Variants in DMD observed in about 807,000 individuals in gnomAD.
DMD encodes the protein mutant dystrophin.
A neutral mutation model predicts 330.1 loss-of-function variants in DMD; 63 were observed. The observed-to-expected ratio is 0.19, with a 90% CI of 0.16 to 0.24. The LOEUF (loss-of-function observed/expected upper bound fraction) is 0.24, where lower values mean the gene tolerates loss of function less well. Among genes scored for constraint, DMD ranks in the 10% least tolerant of loss-of-function variants. The pLI, the probability that DMD is intolerant of heterozygous loss-of-function variation, is 1.00. For missense variants in DMD, 3,344 were observed against 2,684.1 expected (o/e 1.25, Z -5.43); for synonymous variants, 1,223 against 959.8 (o/e 1.27, Z -5.07).
intron 2 of DMD, among the ~76,000 whole-genome samples, chrX:32,899,673 CAAAA>C (rs755390925): frequency 2.3e-5 from 1 of 42,690 alleles, no homozygotes. Context: ...GACTCCGTCT[CAAAA>C]AAAAAAAAAA....
intron 24 of DMD, 27 bp from the exon 25 acceptor site, chrX:32,463,621 G>A (rs2148420177): frequency 9.1e-7 from 1 of 1,094,368 alleles, no homozygotes. Context: ...ATTTAAGCCA[G>A]CTGAAAAAAA....
intron 4 of DMD, among the ~76,000 whole-genome samples, chrX:32,835,943 G>A (rs1181136176): frequency 9.0e-6 from 1 of 110,596 alleles, no homozygotes; most frequent in Non-Finnish European, 1.9e-5. Flanking sequence ...CTTTTCATAG[G>A]TTTATAGAAT....
intron 16 of DMD, among the ~76,000 whole-genome samples, chrX:32,558,855 A>T (rs1247265422): frequency 9.1e-6 from 1 of 109,327 alleles, no homozygotes; most frequent in Non-Finnish European, 1.9e-5. Flanking sequence ...TACAAGGCCC[A>T]TTCTCAAATA....
intron 1 of DMD, among the ~76,000 whole-genome samples, chrX:33,218,822 G>C (rs1328800280): frequency 9.0e-6 from 1 of 111,201 alleles, no homozygotes; most frequent in African/African-American, 3.3e-5. Context: ...TTACGACTGT[G>C]TAATTTCTAT....
intron 19 of DMD, among the ~76,000 whole-genome samples, chrX:32,495,995 A>G (rs1171647786): frequency 8.9e-6 from 1 of 111,955 alleles, no homozygotes; most frequent in Admixed American, 9.5e-5. Context: ...CAACCCCTGA[A>G]ATAGTCTGTG....
chrX:32,594,709 C>T (rs1448900260), intron 13 of DMD, among the ~76,000 whole-genome samples: 1 of 111,447 alleles, frequency 9.0e-6, no homozygotes, highest in East Asian at 2.8e-4. Context: ...TTTCTCCTTA[C>T]TCCTCCTTCT....
At chrX:31,651,633 C>T (rs928034272) in intron 54 of DMD, among the ~76,000 whole-genome samples, 2 of 111,442 alleles carry the variant, frequency 1.8e-5, no homozygotes, top group African/African-American at 6.5e-5. Flanking sequence ...CCTTCCCCAT[C>T]TCAGTAAATG....
At chrX:32,704,104 G>A (rs1414539302) in intron 7 of DMD, among the ~76,000 whole-genome samples, 1 of 111,600 alleles carries the variant, frequency 9.0e-6, no homozygotes, top group African/African-American at 3.3e-5. Flanking sequence ...AGGATACTAT[G>A]GAACAAATAA....
intron 2 of DMD, among the ~76,000 whole-genome samples, chrX:33,006,091 T>C (rs776896922): frequency 9.0e-6 from 1 of 111,702 alleles, no homozygotes; most frequent in East Asian, 2.8e-4. Flanking sequence ...ATGAAAGTTA[T>C]CAGAGGAACT....
chrX:31,887,164 A>G (rs1236801274), intron 47 of DMD, among the ~76,000 whole-genome samples: 1 of 112,043 alleles, frequency 8.9e-6, no homozygotes, highest in Non-Finnish European at 1.9e-5. Flanking sequence ...GAGAAAATAT[A>G]CTATATGAGT....
chrX:31,794,246 C>T lies in DMD; in HGVS notation c.7310-20054G>A, dbSNP rs1192663167. Among the ~76,000 whole-genome samples the T allele has an allele frequency of 7.2e-5, 8 of 111,058 alleles. No individual in the cohort carries two copies. In the East Asian group the frequency reaches 1.1e-3, roughly 16 times the overall value. ...ATATCCTTTCTGAAAGATAAACTAC[C>T]TCAAAATTCAGGACCCAATAGTAAT... is the stretch of plus-strand genomic sequence containing the variant. On this transcript the variant is annotated intron_variant, in intron 50 of 78. Coordinates refer to ENST00000357033, the MANE Select transcript of DMD (RefSeq NM_004006.3).
At chrX:33,117,228 G>T (rs896492523) in intron 1 of DMD, among the ~76,000 whole-genome samples, 1 of 111,234 alleles carries the variant, frequency 9.0e-6, no homozygotes, top group Non-Finnish European at 1.9e-5. Context: ...AAAAAATGGG[G>T]AAATGCTGGT....
Position 32,472,260 on chromosome X carries a change from G to C in DMD, c.2853C>G (p.Ile951Met). The change falls in exon 22 of 79, where the codon ATC becomes ATG. Residue 951 changes from isoleucine (I) to methionine (M), a missense_variant. Ile to Met is a conservative substitution (Grantham distance 10). Coordinates refer to ENST00000357033, the MANE Select transcript of DMD (RefSeq NM_004006.3). ...TTTCTGACTGCTGGACCCATGTCCTGATGGCACTCATGGTCTCCTGATAGC... is the reference window on the plus strand; with the variant it reads ...TTTCTGACTGCTGGACCCATGTCCTCATGGCACTCATGGTCTCCTGATAGC... ...PMRYQETMSA[I>M]RTWVQQSETK... 3 of 1,210,973 alleles carry C rather than the reference G, an allele frequency of 2.5e-6. No homozygotes were observed. Among genetic ancestry groups the C allele is most frequent in the Non-Finnish European group, 3.4e-6 (3 of 894,970 alleles).
At chrX:31,431,808 TTCTC>T (rs1219892129) in intron 60 of DMD, among the ~76,000 whole-genome samples, 3 of 110,673 alleles carry the variant, frequency 2.7e-5, no homozygotes, top group Non-Finnish European at 5.7e-5. Context: ...TTTCTTTTCT[TTCTC>T]TCTCTCTCTT....
At chrX:31,145,566 C>T (rs1345176665) in intron 76 of DMD, among the ~76,000 whole-genome samples, 1 of 111,537 alleles carries the variant, frequency 9.0e-6, no homozygotes, top group Non-Finnish European at 1.9e-5. Context: ...ACATTATGTC[C>T]ACAATCAGAA....
At chrX:32,744,982 A>G (rs2069791127) in intron 7 of DMD, among the ~76,000 whole-genome samples, 1 of 111,555 alleles carries the variant, frequency 9.0e-6, no homozygotes, top group South Asian at 3.8e-4. Flanking sequence ...ACACAATCTT[A>G]CACTTCACTG....
At chrX:32,914,129 G>A (rs1025957703) in intron 2 of DMD, among the ~76,000 whole-genome samples, 2 of 111,251 alleles carry the variant, frequency 1.8e-5, no homozygotes, top group African/African-American at 6.5e-5. Context: ...CCTCTCAGGG[G>A]GATGCTTAGT....
chrX:32,549,921 A>T (rs2049356091), intron 16 of DMD, among the ~76,000 whole-genome samples: 1 of 112,631 alleles, frequency 8.9e-6, no homozygotes, highest in Non-Finnish European at 1.9e-5. Flanking sequence ...ATAAAATAAA[A>T]TACTTTTTTT....
chrX:31,487,290 G>C (rs1345540269), intron 57 of DMD, among the ~76,000 whole-genome samples: 7 of 105,071 alleles, frequency 6.7e-5, no homozygotes, highest in African/African-American at 2.5e-4. Flanking sequence ...ACGGAGTCTC[G>C]CTCTGTCACT....
Sources: allele counts gnomAD v4.1 joint callset (sites outside exome capture counted in the v4.1 genomes callset), GRCh38; gene constraint gnomAD v4.1.1; transcripts MANE v1.5; gene names NCBI Gene and HGNC (gene_info 2026-07-23, HGNC 2026-07-21).